CHST8: variants seen among roughly 807,000 people sequenced by gnomAD.
CHST8 encodes the protein GALNAC-4-ST1.
In CHST8, 10 loss-of-function variants were observed where a neutral mutation model predicts 15.0. The observed-to-expected ratio is 0.67, with a 90% confidence interval of 0.41 to 1.13. CHST8 has a LOEUF of 1.13. Among genes scored for constraint, CHST8 ranks in the 50% most tolerant of loss-of-function variants. The pLI is 0.00. For missense variants in CHST8, 634 were observed against 608.2 expected (o/e 1.04, Z -0.45); for synonymous variants, 259 against 256.6 (o/e 1.01, Z -0.09).
At chr19:33,685,965 C>G (rs1049162996) in intron 2 of CHST8, among the ~76,000 whole-genome samples, 4 of 152,162 alleles carry the variant, frequency 2.6e-5, no homozygotes, top group Non-Finnish European at 4.4e-5. Context: ...GCCAGTTACC[C>G]AGGAGGGGAG....
At chr19:33,754,586 A>G (rs1974507601) in intron 3 of CHST8, among the ~76,000 whole-genome samples, 1 of 152,202 alleles carries the variant, frequency 6.6e-6, no homozygotes, top group African/African-American at 2.4e-5. Context: ...TCCAACCAGG[A>G]TGGAGCTTTA....
Position 33,772,096 on chromosome 19 carries a change from C to A in CHST8, c.308C>A (p.Thr103Asn). Residue 103 changes from threonine (T) to asparagine (N), a missense_variant, in exon 5 of 5, where the codon ACC (threonine) becomes AAC (asparagine). Transcript: ENST00000650847. ...CCTCAACCCCCGCTGCAGAGGGGAACCCGTCTGCGGCTCCGCCAGCGCCGT... is the reference window on the plus strand; with the variant it reads ...CCTCAACCCCCGCTGCAGAGGGGAAACCGTCTGCGGCTCCGCCAGCGCCGT... Reference protein sequence around the residue: ...DQPQPPLQRGTRLRLRQRRRR... With the variant: ...DQPQPPLQRGNRLRLRQRRRR... 1 of 1,612,080 alleles carries A rather than the reference C, an allele frequency of 6.2e-7. No homozygotes were observed. The highest frequency in any genetic ancestry group is 8.5e-7 in the Non-Finnish European group (1 of 1,179,604).
chr19:33,735,095 A>G (rs1054010148), intron 3 of CHST8, among the ~76,000 whole-genome samples: 4 of 152,192 alleles, frequency 2.6e-5, no homozygotes, highest in African/African-American at 9.7e-5. Context: ...CTTTTGATCA[A>G]AACATCCTAG....
intron 3 of CHST8, among the ~76,000 whole-genome samples, chr19:33,695,821 CT>C (rs55695414): frequency 0.034 from 2,629 of 76,268 alleles, 20 homozygotes; most frequent in Non-Finnish European, 0.044. Flanking sequence ...TTCTTTCTTT[CT>C]TTTTTTTTTT....
intron 2 of CHST8, among the ~76,000 whole-genome samples, chr19:33,669,284 C>T (rs987564149): frequency 2.6e-5 from 4 of 152,130 alleles, no homozygotes; most frequent in Admixed American, 6.5e-5. Flanking sequence ...CAAACATGAA[C>T]ATTAGGACTC....
intron 3 of CHST8, among the ~76,000 whole-genome samples, chr19:33,765,636 A>G (rs1974824688): frequency 6.6e-6 from 1 of 151,392 alleles, no homozygotes; most frequent in African/African-American, 2.4e-5. Flanking sequence ...ATCTCCGCTC[A>G]CTGCAACCTC....
intron 2 of CHST8, among the ~76,000 whole-genome samples, chr19:33,675,027 G>A (rs1001281079): frequency 1.3e-5 from 2 of 152,156 alleles, no homozygotes; most frequent in South Asian, 2.1e-4. Context: ...GAGCCGTAGA[G>A]ACACACCTGC....
intron 2 of CHST8, among the ~76,000 whole-genome samples, chr19:33,682,262 G>A (rs12608865): frequency 3.5e-5 from 5 of 143,950 alleles, no homozygotes; most frequent in South Asian, 4.4e-4. Flanking sequence ...GCGTGATCTC[G>A]GCTCACTGCA....
intron 2 of CHST8, among the ~76,000 whole-genome samples, chr19:33,673,214 T>G (rs1004906404): frequency 6.6e-6 from 1 of 152,168 alleles, no homozygotes; most frequent in Admixed American, 6.5e-5. Flanking sequence ...TATCGATCAG[T>G]GCCTCTGGTG....
At chr19:33,690,938 G>C (rs763797088) in intron 3 of CHST8, among the ~76,000 whole-genome samples, 1 of 152,234 alleles carries the variant, frequency 6.6e-6, no homozygotes, top group Non-Finnish European at 1.5e-5. Flanking sequence ...TGCGTGGTTG[G>C]GGGTGCATGT....
chr19:33,665,978 G>A (rs1176098314), intron 1 of CHST8, among the ~76,000 whole-genome samples: 1 of 152,260 alleles, frequency 6.6e-6, no homozygotes, highest in Non-Finnish European at 1.5e-5. Flanking sequence ...GAGGCCGAAA[G>A]GCAGGCCTCT....
chr19:33,750,155 A>AG (rs1974386311), intron 3 of CHST8, among the ~76,000 whole-genome samples: 1 of 152,116 alleles, frequency 6.6e-6, no homozygotes. Context: ...GGGTGACCTA[A>AG]GGGGGGTGGT....
chr19:33,680,684 A>G (rs946784866), intron 2 of CHST8, among the ~76,000 whole-genome samples: 1 of 152,248 alleles, frequency 6.6e-6, no homozygotes, highest in African/African-American at 2.4e-5. Context: ...AAAGTGCACA[A>G]AGATCAACCA....
chr19:33,672,910 G>A (rs1228233710), intron 2 of CHST8, among the ~76,000 whole-genome samples: 1 of 152,228 alleles, frequency 6.6e-6, no homozygotes, highest in African/African-American at 2.4e-5. Flanking sequence ...CCTGGATGAA[G>A]ACATCACGTG....
intron 3 of CHST8, among the ~76,000 whole-genome samples, chr19:33,752,268 G>A (rs1042486944): frequency 3.3e-5 from 5 of 152,220 alleles, no homozygotes; most frequent in Non-Finnish European, 5.9e-5. Flanking sequence ...CACTCCCACA[G>A]GGATTCTCCT....
At chr19:33,711,531 T>C (rs1973550022) in intron 3 of CHST8, among the ~76,000 whole-genome samples, 1 of 152,226 alleles carries the variant, frequency 6.6e-6, no homozygotes, top group Non-Finnish European at 1.5e-5. Context: ...TATAAATTAT[T>C]GTATACTTCT....
intron 3 of CHST8, among the ~76,000 whole-genome samples, chr19:33,752,165 G>T (rs538053500): frequency 2.6e-5 from 4 of 152,324 alleles, no homozygotes; most frequent in African/African-American, 9.6e-5. Flanking sequence ...GGGAGCCCTG[G>T]GATGAAGTAG....
chr19:33,676,999 T>A (rs741587), intron 2 of CHST8, among the ~76,000 whole-genome samples: 50,151 of 152,106 alleles, frequency 0.33, 10,014 homozygotes, highest in African/African-American at 0.54. Flanking sequence ...TGAAAGTGTC[T>A]TGTGGTTATT....
intron 3 of CHST8, among the ~76,000 whole-genome samples, chr19:33,757,215 C>T (rs1003796412): frequency 2.0e-5 from 3 of 151,534 alleles, no homozygotes; most frequent in South Asian, 2.1e-4. Flanking sequence ...CATAGTAAAA[C>T]CCCGTCTTTA....
Sources: gnomAD v4.1 joint callset for allele counts (sites outside exome capture counted in the v4.1 genomes callset) on GRCh38, gnomAD v4.1.1 for gene constraint, MANE v1.5 for transcripts, NCBI Gene and HGNC (gene_info 2026-07-23, HGNC 2026-07-21) for gene names.